The following DNAAF5 variants were observed in gnomAD, a reference collection of about 807,000 sequenced individuals.
DNAAF5 encodes the protein HEAT repeat containing 2.
A neutral mutation model predicts 75.8 loss-of-function variants in DNAAF5; 64 were observed. That is an observed-to-expected ratio of 0.84 (90% CI 0.69 to 1.04). DNAAF5 has a LOEUF of 1.04. DNAAF5 is among the 50% of genes least tolerant of loss of function. The pLI is 0.00. For synonymous variants in DNAAF5, 657 were observed against 557.2 expected (o/e 1.18, Z -2.52); for missense variants, 1,269 against 1,178.5 (o/e 1.08, Z -1.12).
intron 8 of DNAAF5, 114 bp downstream of exon 8, chr7:764,088 A>C: frequency 8.5e-7 from 1 of 1,177,610 alleles, no homozygotes; most frequent in Non-Finnish European, 1.2e-6. Context: ...GGTTCACTGA[A>C]GCGTGTTGTT....
intron 12 of DNAAF5, among the ~76,000 whole-genome samples, chr7:784,994 C>T (rs548250353): frequency 6.6e-6 from 1 of 151,938 alleles, no homozygotes; most frequent in African/African-American, 2.4e-5. Flanking sequence ...CGTTGTGACT[C>T]AGGTCATTCG....
chr7:755,392 C>T lies in DNAAF5; in HGVS notation c.1257+571C>T, dbSNP rs535612305. Among the ~76,000 whole-genome samples the T allele has an allele frequency of 7.9e-5, 12 of 152,340 alleles. No individual in the cohort carries two copies. The South Asian group carries it at 2.3e-3, about 29-fold the overall frequency. On this transcript the variant is annotated intron_variant, in intron 5 of 12. Transcript: ENST00000297440. ...CTCTCCTCCTCACTAGGCCGGGCCA[C>T]GCCCTGCGCTGACAGTCACCACCAT...
At chr7:776,598 C>T (rs1168693628) in intron 11 of DNAAF5, among the ~76,000 whole-genome samples, 1 of 152,196 alleles carries the variant, frequency 6.6e-6, no homozygotes, top group African/African-American at 2.4e-5. Context: ...GGGGCACAGC[C>T]TCAGTGTCGC....
At chr7:745,402 G>A (rs189820527) in intron 4 of DNAAF5, among the ~76,000 whole-genome samples, 1 of 151,154 alleles carries the variant, frequency 6.6e-6, no homozygotes, top group East Asian at 1.9e-4. Context: ...CGGTAAGGGA[G>A]AAGACAGAGC....
chr7:750,468 A>C (rs1782259049), intron 4 of DNAAF5, among the ~76,000 whole-genome samples: 1 of 152,214 alleles, frequency 6.6e-6, no homozygotes, highest in African/African-American at 2.4e-5. Context: ...TGGGTGGGGC[A>C]GGGAGCAGGG....
At chr7:747,623 G>T (rs1470709876) in intron 4 of DNAAF5, among the ~76,000 whole-genome samples, 2 of 151,554 alleles carry the variant, frequency 1.3e-5, no homozygotes, top group Non-Finnish European at 2.9e-5. Context: ...AGTGTGTCCA[G>T]TTGGTGTGCA....
At chr7:728,621 C>T (rs1381817001) in intron 1 of DNAAF5, among the ~76,000 whole-genome samples, 6 of 152,236 alleles carry the variant, frequency 3.9e-5, no homozygotes, top group East Asian at 3.8e-4. Flanking sequence ...TCTTCTTCAT[C>T]CTCAACCACT....
chr7:779,768 G>C (rs1239964549), intron 11 of DNAAF5, 185 bp from the exon 12 acceptor site: 2 of 585,344 alleles, frequency 3.4e-6, no homozygotes, highest in Non-Finnish European at 6.0e-6. Flanking sequence ...TGGGGTTCAG[G>C]GGTCCCAGGT....
intron 2 of DNAAF5, 43 bp from the exon 3 acceptor site, chr7:740,776 C>T: frequency 6.2e-7 from 1 of 1,609,426 alleles, no homozygotes; most frequent in South Asian, 1.1e-5. Flanking sequence ...CCCCGGCATC[C>T]CCTTTGCCTA....
At position 754,338 on chromosome 7, in the gene DNAAF5, C is replaced by A. The variant is rs904575000; in HGVS notation, c.1025-251C>A. ...TGGGGTCTTTGCCATGTTGCCCAGG[C>A]TGGTCTTGACTTCCTGGGCTCTAGT... On this transcript the variant is annotated intron_variant, in intron 4 of 12. Transcript: ENST00000297440. This position sits in a 1 kb window ranked among gnomAD's most constrained non-coding sequence, Gnocchi z 4.8. Among the ~76,000 whole-genome samples, 2 of 152,164 alleles carry A rather than the reference C, an allele frequency of 1.3e-5. No individual in the cohort carries two copies. The highest frequency in any genetic ancestry group is 4.8e-5 in the African/African-American group (2 of 41,434).
chr7:776,693 C>A (rs567201610), intron 11 of DNAAF5, among the ~76,000 whole-genome samples: 2 of 151,256 alleles, frequency 1.3e-5, no homozygotes, highest in Admixed American at 1.3e-4. Flanking sequence ...TTGAAGCCCC[C>A]GAAAAGCAGC....
intron 6 of DNAAF5, among the ~76,000 whole-genome samples, chr7:759,605 C>T (rs1488816926): frequency 6.6e-6 from 1 of 152,116 alleles, no homozygotes; most frequent in Admixed American, 6.5e-5. Flanking sequence ...GAATTATTTC[C>T]TGCTGTATCT....
At chr7:729,554 G>C in intron 1 of DNAAF5, 109 bp from the exon 2 acceptor site, 1 of 1,003,608 alleles carries the variant, frequency 1.0e-6, no homozygotes, top group Non-Finnish European at 1.5e-6. Context: ...CGTAGGAGAG[G>C]AAGGGAGGTG....
rs568668763 is a variant in DNAAF5, at chr7:756,592, C to T, written c.1258-190C>T. On this transcript the variant is annotated intron_variant, in intron 5 of 12. Coordinates refer to ENST00000297440, the MANE Select transcript of DNAAF5 (RefSeq NM_017802.4). Reference sequence around the variant, plus strand: ...GTGTCCGGCTCGCTGGCCTCAGGGACGTTCTGAGACCACACCCGGACCCTT... The same window carrying T: ...GTGTCCGGCTCGCTGGCCTCAGGGATGTTCTGAGACCACACCCGGACCCTT... 6.6e-5 allele frequency among the ~76,000 whole-genome samples: 10 copies of T among 152,274 alleles called. No individual in the cohort carries two copies. The East Asian group carries it at 7.7e-4, about 12-fold the overall frequency.
intron 8 of DNAAF5, among the ~76,000 whole-genome samples, chr7:766,087 C>T (rs1397363461): frequency 6.6e-6 from 1 of 152,184 alleles, no homozygotes. Flanking sequence ...CCTCACCCTC[C>T]CAAAGTGCTG....
intron 1 of DNAAF5, among the ~76,000 whole-genome samples, chr7:728,049 G>A (rs939536322): frequency 3.3e-5 from 5 of 151,890 alleles, no homozygotes; most frequent in Non-Finnish European, 7.4e-5. Flanking sequence ...CTGCCTTTCC[G>A]CTCTGGCTTG....
rs761268473 is a variant in DNAAF5 at position 754,592 on chromosome 7, G to A, written c.1028G>A (p.Arg343His). 1.2e-5 allele frequency: 19 copies of A among 1,612,622 alleles called. No homozygotes were observed. Among genetic ancestry groups the A allele is most frequent in the East Asian group, 4.5e-5 (2 of 44,846 alleles). Residue 343 changes from arginine (R) to histidine (H), a missense_variant, in exon 5 of 13, where the codon CGC becomes CAC. By Grantham distance (29) the Arg-to-His change is conservative (BLOSUM62 0). Coordinates refer to ENST00000297440, the MANE Select transcript of DNAAF5 (RefSeq NM_017802.4). This position sits in a 1 kb window ranked among gnomAD's most constrained non-coding sequence, Gnocchi z 4.8. The stretch of plus-strand genomic sequence containing the variant: ...TTCTTTCCCTTTTTCGTTCCAGAGC[G>A]CCGCCCTGTGCTGGGCTGCCGGGAG... Reference protein sequence around the residue: ...PTPPHYPPHERRPVLGCRELV... With the variant: ...PTPPHYPPHEHRPVLGCRELV...
Position 767,005 on chromosome 7 carries a change from C to G in DNAAF5, c.1783+3031C>G, listed in dbSNP as rs141551759. Reference sequence around the variant, plus strand: ...CTGTAATCCCAGCACTTTGGGAGGCCGAGGCAGGCAGATCCCGATGTCAGG... The same window carrying G: ...CTGTAATCCCAGCACTTTGGGAGGCGGAGGCAGGCAGATCCCGATGTCAGG... On this transcript the variant is annotated intron_variant, in intron 8 of 12. Transcript: ENST00000297440. Among the ~76,000 whole-genome samples the G allele has an allele frequency of 7.7e-3, 1,169 of 151,812 alleles. 17 individuals carry two copies. Among genetic ancestry groups the G allele is most frequent in the African/African-American group, 0.027 (1,108 of 41,416 alleles).
chr7:741,508 T>G lies in DNAAF5; in HGVS notation c.1024+43T>G, dbSNP rs373015703. On this transcript the variant is annotated intron_variant, in intron 4 of 12. Coordinates refer to ENST00000297440, the MANE Select transcript of DNAAF5 (RefSeq NM_017802.4). The stretch of plus-strand genomic sequence containing the variant: ...AGGGGAGCGCCAGGAGGCGAGCCCT[T>G]GTTGGGTGGGAAAGGGGCTTCTGAG... The G allele has an allele frequency of 2.7e-4, 323 of 1,215,902 alleles. 2 individuals carry two copies. In the African/African-American group the frequency reaches 4.5e-3, roughly 17 times the overall value. 75.3% of individuals were successfully genotyped at this position (1,215,902 alleles called of 1,614,324 possible).
Sources: gnomAD v4.1 joint callset for allele counts (sites outside exome capture counted in the v4.1 genomes callset) on GRCh38, gnomAD v4.1.1 for gene constraint, Gnocchi (gnomAD v3.1) non-coding constraint, MANE v1.5 for transcripts, NCBI Gene and HGNC (gene_info 2026-07-23, HGNC 2026-07-21) for gene names.